BMPR1A: variants seen among roughly 807,000 people sequenced by gnomAD.
BMPR1A encodes the protein bone morphogenetic protein receptor type-1A.
BMPR1A carries 7 observed loss-of-function variants against 66.0 expected under a neutral mutation model. The observed-to-expected ratio is 0.11, with a 90% CI of 0.06 to 0.20. The LOEUF (loss-of-function observed/expected upper bound fraction) is 0.20. Among genes scored for constraint, BMPR1A ranks in the 10% least tolerant of loss-of-function variants. BMPR1A has a pLI of 1.00. For missense variants in BMPR1A, 408 were observed against 669.1 expected (o/e 0.61, Z 4.31); for synonymous variants, 200 against 229.7 (o/e 0.87, Z 1.17).
intron 2 of BMPR1A, among the ~76,000 whole-genome samples, chr10:86,875,495 G>T (rs1165929705): frequency 6.6e-6 from 1 of 152,210 alleles, no homozygotes. Flanking sequence ...ACTAGAATTT[G>T]CAAGAATGTT....
chr10:86,867,861 A>G (rs1327916481), intron 2 of BMPR1A, among the ~76,000 whole-genome samples: 4 of 152,216 alleles, frequency 2.6e-5, no homozygotes, highest in East Asian at 1.9e-4. Flanking sequence ...TGGGGAAACT[A>G]TCTTGGCATA....
At chr10:86,819,255 C>T (rs1018742266) in intron 1 of BMPR1A, among the ~76,000 whole-genome samples, 2 of 152,082 alleles carry the variant, frequency 1.3e-5, no homozygotes, top group Non-Finnish European at 2.9e-5. Flanking sequence ...TGTTTTGTAA[C>T]AATTGGCTTG....
Position 86,787,997 on chromosome 10 carries a change from T to C in BMPR1A, c.-268+31078T>C, listed in dbSNP as rs1841542703. ...AGCCAAGCCATGTCAGTCAGTATCA[T>C]AAATTGGTTCAACCATAGAGGAAGA... On this transcript the variant is annotated intron_variant, in intron 1 of 12. Transcript: ENST00000372037. 2.0e-5 allele frequency among the ~76,000 whole-genome samples: 3 copies of C among 152,214 alleles called. No individual in the cohort carries two copies. In the South Asian group the frequency reaches 6.2e-4, roughly 32 times the overall value.
At chr10:86,888,281 T>A (rs1278907000) in intron 3 of BMPR1A, among the ~76,000 whole-genome samples, 1 of 151,672 alleles carries the variant, frequency 6.6e-6, no homozygotes, top group East Asian at 2.0e-4. Flanking sequence ...CTGGCCAACA[T>A]GGTGAAACCC....
At chr10:86,877,352 C>T (rs374920197) in intron 3 of BMPR1A, among the ~76,000 whole-genome samples, 24 of 151,920 alleles carry the variant, frequency 1.6e-4, no homozygotes, top group East Asian at 1.4e-3. Context: ...GGATTACAGG[C>T]GCCCACCATC....
At chr10:86,784,612 C>T (rs1329046516) in intron 1 of BMPR1A, among the ~76,000 whole-genome samples, 1 of 152,086 alleles carries the variant, frequency 6.6e-6, no homozygotes, top group Non-Finnish European at 1.5e-5. Context: ...GTAGAATTCC[C>T]CAGTGAAGCT....
At chr10:86,901,089 T>G (rs544334958) in intron 7 of BMPR1A, among the ~76,000 whole-genome samples, 1 of 152,340 alleles carries the variant, frequency 6.6e-6, no homozygotes, top group Admixed American at 6.5e-5. Context: ...TCATGCTATG[T>G]GGACACTCAA....
At chr10:86,814,825 G>A (rs1174664331) in intron 1 of BMPR1A, among the ~76,000 whole-genome samples, 1 of 151,732 alleles carries the variant, frequency 6.6e-6, no homozygotes, top group East Asian at 1.9e-4. Context: ...TTACTCTGTC[G>A]CCTGGGCTGG....
At position 86,799,502 on chromosome 10, in the gene BMPR1A, C is replaced by CT. The variant is rs1554879873; in HGVS notation, c.-267-39361dup. On this transcript the variant is annotated intron_variant, in intron 1 of 12. Transcript: ENST00000372037. Reference sequence around the variant, plus strand: ...CCTTCCTTCCTTCCTTCCTTCCTTCCTTCCTTTCTTTTCTTTTCTTTTCTT... The same window carrying CT: ...CCTTCCTTCCTTCCTTCCTTCCTTCCTTTCCTTTCTTTTCTTTTCTTTTCTT... 1.2e-3 allele frequency among the ~76,000 whole-genome samples: 142 copies of CT among 122,618 alleles called. 2 individuals carry two copies. Among genetic ancestry groups the CT allele is most frequent in the Non-Finnish European group, 1.9e-3 (115 of 60,242 alleles). 80.4% of individuals were successfully genotyped at this position (122,618 alleles called of 152,430 possible).
At chr10:86,854,878 G>C in intron 2 of BMPR1A, 1 of 234,246 alleles carries the variant, frequency 4.3e-6, no homozygotes, top group East Asian at 1.0e-4. Context: ...CTCCAGGCAG[G>C]GGAATGACTA....
In BMPR1A at chr10:86,890,118, A is replaced by G. The variant is rs786203156; in HGVS notation, c.124A>G (p.Lys42Glu). 1.3e-5 allele frequency: 21 copies of G among 1,614,088 alleles called. No individual in the cohort carries two copies. The highest frequency in any genetic ancestry group is 1.7e-5 in the Non-Finnish European group (20 of 1,180,008). Reference protein sequence around the residue: ...GTGMKSDSDQKKSENGVTLAP... With the variant: ...GTGMKSDSDQEKSENGVTLAP... Reference sequence around the variant, plus strand: ...TGGGATGAAATCAGACTCCGACCAGAAAAAGTCAGAAAATGGAGTAACCTT... The same window carrying G: ...TGGGATGAAATCAGACTCCGACCAGGAAAAGTCAGAAAATGGAGTAACCTT... The change falls in exon 4 of 13, where the codon AAA becomes GAA. Residue 42 changes from lysine to glutamate, a missense_variant. This residue lies in a region of BMPR1A where 68 missense variants were observed against 83.0 expected (regional missense o/e 0.82). Coordinates refer to ENST00000372037, the MANE Select transcript of BMPR1A (RefSeq NM_004329.3).
chr10:86,912,413 T>A lies in BMPR1A; in HGVS notation c.675+29T>A, dbSNP rs780429469. The A allele has an allele frequency of 1.2e-5, 20 of 1,613,050 alleles. No homozygotes were observed. Among genetic ancestry groups the A allele is most frequent in the Non-Finnish European group, 1.4e-5 (16 of 1,179,140 alleles). On this transcript the variant is annotated intron_variant, in intron 8 of 12. Coordinates refer to ENST00000372037, the MANE Select transcript of BMPR1A (RefSeq NM_004329.3). ...AGTTAAACGTTCCTATAGACATGAA[T>A]GGTGTGTTGATTTAGAATGTGTCCT... is the stretch of plus-strand genomic sequence containing the variant.
chr10:86,768,128 T>A (rs1453334482), intron 1 of BMPR1A, among the ~76,000 whole-genome samples: 1 of 152,246 alleles, frequency 6.6e-6, no homozygotes, highest in Non-Finnish European at 1.5e-5. Context: ...TCAGTTTAAT[T>A]TATCAGACCT....
chr10:86,847,728 G>A (rs7087839), intron 2 of BMPR1A, among the ~76,000 whole-genome samples: 3 of 151,532 alleles, frequency 2.0e-5, no homozygotes, highest in Non-Finnish European at 4.4e-5. Flanking sequence ...CTATTAATAA[G>A]TTCCTATATA....
At chr10:86,869,998 A>G (rs1842834774) in intron 2 of BMPR1A, among the ~76,000 whole-genome samples, 1 of 152,140 alleles carries the variant, frequency 6.6e-6, no homozygotes, top group Admixed American at 6.5e-5. Flanking sequence ...GCAAATAAAT[A>G]CTGGAGCTGA....
intron 2 of BMPR1A, among the ~76,000 whole-genome samples, chr10:86,858,236 A>G (rs1842671142): frequency 6.6e-6 from 1 of 152,242 alleles, no homozygotes; most frequent in Non-Finnish European, 1.5e-5. Context: ...CTAGGAAGGG[A>G]ACTTCCTTAA....
At chr10:86,785,154 C>G (rs945339901) in intron 1 of BMPR1A, among the ~76,000 whole-genome samples, 2 of 152,062 alleles carry the variant, frequency 1.3e-5, no homozygotes, top group African/African-American at 4.8e-5. Context: ...TTTTGATTTC[C>G]CATTGTGGTC....
At chr10:86,795,771 G>A (rs1841700152) in intron 1 of BMPR1A, among the ~76,000 whole-genome samples, 1 of 151,878 alleles carries the variant, frequency 6.6e-6, no homozygotes, top group East Asian at 1.9e-4. Context: ...TTATAATTTA[G>A]CATTTCAAGT....
At chr10:86,812,486 A>T (rs1003529192) in intron 1 of BMPR1A, among the ~76,000 whole-genome samples, 4 of 152,194 alleles carry the variant, frequency 2.6e-5, no homozygotes, top group Non-Finnish European at 5.9e-5. Flanking sequence ...ATTCATGTAT[A>T]CATTTCTTGC....
Sources: allele counts gnomAD v4.1 joint callset (sites outside exome capture counted in the v4.1 genomes callset), GRCh38; gene constraint gnomAD v4.1.1; regional missense constraint gnomAD v4.1.1; transcripts MANE v1.5; gene names NCBI Gene and HGNC (gene_info 2026-07-23, HGNC 2026-07-21).